Variants in CAPN11 observed in about 807,000 individuals in gnomAD.
CAPN11 encodes calpain-11.
Under a neutral mutation model 105.3 loss-of-function variants are expected in CAPN11, and 108 were observed. The observed-to-expected ratio is 1.03, with a 90% CI of 0.88 to 1.20. The LOEUF is 1.20. CAPN11 is among the 50% of genes most tolerant of loss of function. The probability of loss-of-function intolerance (pLI) is 0.00; values close to 1 mark genes in which losing one functional copy is unlikely to be tolerated. For synonymous variants in CAPN11, 329 were observed against 344.5 expected, an observed-to-expected ratio of 0.96 and a Z score of 0.50; for missense variants, 883 against 924.8, an observed-to-expected ratio of 0.95 and a Z score of 0.59.
chr6:44,177,589 G>A (rs1471848623), intron 12 of CAPN11, 169 bp downstream of exon 12: 3 of 619,632 alleles, frequency 4.8e-6, no homozygotes, highest in Admixed American at 2.9e-5. Context: ...CCCAGTTCAA[G>A]TGATTCTCGT....
chr6:44,162,575 C>A (rs1033782108), intron 1 of CAPN11, among the ~76,000 whole-genome samples: 1 of 152,122 alleles, frequency 6.6e-6, no homozygotes, highest in African/African-American at 2.4e-5. Context: ...TGCTTCCCAG[C>A]CCTGATGCTT....
intron 1 of CAPN11, among the ~76,000 whole-genome samples, chr6:44,166,394 C>G (rs1180273309): frequency 1.3e-5 from 2 of 152,202 alleles, no homozygotes; most frequent in Non-Finnish European, 2.9e-5. Flanking sequence ...CTCTGGGCCT[C>G]TGCTCCCTTT....
Position 44,166,761 on chromosome 6 carries a change from C to T in CAPN11, c.20C>T (p.Pro7Leu), listed in dbSNP as rs371144537. The T allele has an allele frequency of 1.9e-6, 3 of 1,551,516 alleles. No individual in the cohort carries two copies. Among genetic ancestry groups the T allele is most frequent in the Admixed American group, 2.0e-5 (1 of 51,000 alleles). Residue 7 changes from proline (P) to leucine (L), a missense_variant, in exon 2 of 23, where the codon CCG becomes CTG. Pro to Leu is a moderately conservative substitution (Grantham distance 98). Transcript: ENST00000398776. The stretch of plus-strand genomic sequence containing the variant: ...CTCCCACTCTTTCTTATTCTAGGGC[C>T]GAGTCTTCCGGAGTCAGCAGAGAGC... MLYSPG[P>L]SLPESAESLD...
intron 1 of CAPN11, among the ~76,000 whole-genome samples, chr6:44,160,979 G>A (rs1582851911): frequency 6.6e-6 from 1 of 152,220 alleles, no homozygotes; most frequent in African/African-American, 2.4e-5. Context: ...ACAGGGTTTG[G>A]TACCACCCGC....
intron 1 of CAPN11, among the ~76,000 whole-genome samples, chr6:44,162,800 G>C (rs1769140096): frequency 6.6e-6 from 1 of 152,184 alleles, no homozygotes; most frequent in Middle Eastern, 3.4e-3. Flanking sequence ...CTCCATGTTG[G>C]GGGTGCATTC....
intron 4 of CAPN11, among the ~76,000 whole-genome samples, chr6:44,172,099 G>C (rs1771101578): frequency 6.6e-6 from 1 of 152,114 alleles, no homozygotes. Flanking sequence ...CACCTTACTA[G>C]AGTCTCTCCG....
intron 9 of CAPN11, 111 bp downstream of exon 9, chr6:44,176,449 CCTCCCTCTAGATT>C (rs1473766631): frequency 7.8e-7 from 1 of 1,288,778 alleles, no homozygotes; most frequent in African/African-American, 1.5e-5. Context: ...GGGCAAAGCT[CCTCCCTCTAGATT>C]CTCCATCTAG....
At chr6:44,181,342 G>A in intron 19 of CAPN11, 22 bp downstream of exon 19, 1 of 1,605,774 alleles carries the variant, frequency 6.2e-7, no homozygotes, top group Non-Finnish European at 8.5e-7. Flanking sequence ...TAAAGGGGCA[G>A]CCTCCAGGGG....
rs1772079619 is a variant in CAPN11 at position 44,176,653 on chromosome 6, C to T, written c.1074C>T (p.Phe358=). ...QLLHKTEDGE[F]WMSYQDFLNN... ...TGCACAAGACGGAGGACGGGGAGTT[C>T]TGGTCAGTGTGGCTTGGGGTGGGCT... is the stretch of plus-strand genomic sequence containing the variant. Residue 358 remains phenylalanine, a splice_region_variant and synonymous_variant, in exon 10 of 23, where the codon TTC becomes TTT. Coordinates refer to ENST00000398776, the MANE Select transcript of CAPN11 (RefSeq NM_007058.4). 6.3e-7 allele frequency: 1 copy of T among 1,599,776 alleles called. No individual in the cohort carries two copies. Among genetic ancestry groups the T allele is most frequent in the African/African-American group, 1.3e-5 (1 of 74,856 alleles).
intron 4 of CAPN11, among the ~76,000 whole-genome samples, chr6:44,171,096 C>CT (rs985595858): frequency 2.6e-5 from 4 of 152,158 alleles, no homozygotes; most frequent in African/African-American, 9.7e-5. Flanking sequence ...CCGAGGCACT[C>CT]TAACAGTGAG....
intron 14 of CAPN11, 73 bp from the exon 15 acceptor site, chr6:44,180,387 C>A: frequency 1.4e-6 from 2 of 1,418,932 alleles, no homozygotes; most frequent in South Asian, 2.3e-5. Context: ...ATGACATGAC[C>A]CCCAGAGCAC....
At chr6:44,169,220 C>T (rs1175663859) in intron 2 of CAPN11, 61 bp from the exon 3 acceptor site, 1 of 1,499,424 alleles carries the variant, frequency 6.7e-7, no homozygotes, top group African/African-American at 1.4e-5. Context: ...AGGAGTGAAC[C>T]ACTGTGCCCA....
chr6:44,166,793 G>T lies in CAPN11; in HGVS notation c.52G>T (p.Gly18Ter). The T allele has an allele frequency of 6.4e-7, 1 of 1,552,112 alleles. No homozygotes were observed. Among genetic ancestry groups the T allele is most frequent in the Non-Finnish European group, 8.7e-7 (1 of 1,147,000 alleles). Residue 18 changes from glycine to a stop codon, truncating the protein, a stop_gained, in exon 2 of 23, where the codon GGA becomes TGA. Transcript: ENST00000398776. LOFTEE classifies it high-confidence loss of function. ...SLPESAESLD[G>*]SQEDKPRGSC... ...TCCGGAGTCAGCAGAGAGCCTGGAT[G>T]GATCACAGGAGGATAAGCCTCGGGG...
intron 1 of CAPN11, among the ~76,000 whole-genome samples, chr6:44,163,725 A>C (rs1769321925): frequency 1.3e-5 from 2 of 152,230 alleles, no homozygotes; most frequent in Non-Finnish European, 2.9e-5. Context: ...ATGCTATATA[A>C]GTGCTCACTA....
chr6:44,162,436 G>A (rs1173459340), intron 1 of CAPN11, among the ~76,000 whole-genome samples: 1 of 151,742 alleles, frequency 6.6e-6, no homozygotes, highest in Non-Finnish European at 1.5e-5. Context: ...GAGGGGGTGA[G>A]GGAGCTTCCA....
At chr6:44,165,321 T>G (rs981394372) in intron 1 of CAPN11, among the ~76,000 whole-genome samples, 1 of 152,168 alleles carries the variant, frequency 6.6e-6, no homozygotes, top group South Asian at 2.1e-4. Flanking sequence ...ATTTATTGAG[T>G]GAGTTTTGTG....
rs756219948 is a variant in CAPN11, at chr6:44,176,999, G to A, written c.1237+1G>A. The A allele has an allele frequency of 3.1e-6, 5 of 1,609,458 alleles. No individual in the cohort carries two copies. Among genetic ancestry groups the A allele is most frequent in the East Asian group, 2.2e-5 (1 of 44,640 alleles). On this transcript the variant is annotated splice_donor_variant, in intron 11 of 22. Transcript: ENST00000398776. LOFTEE classifies it high-confidence loss of function. ...GCAGGGGGCTGCAGGAACCACCCTG[G>A]TGGGTGAGGGGTGAGAGGGGAGGGG...
At position 44,183,924 on chromosome 6, in the gene CAPN11, TG is replaced by T; in HGVS notation, c.2216del (p.Gly739AspfsTer20). The T allele has an allele frequency of 6.4e-7, 1 of 1,556,292 alleles. No individual in the cohort carries two copies. The highest frequency in any genetic ancestry group is 8.7e-7 in the Non-Finnish European group (1 of 1,149,628). ...SLEQWLQMTM[W>X]G ...TCCACAGTGGCTGCAGATGACCATG[TG>T]GGGATAGAGGCGCTGTAGGAGCCTG... On this transcript the variant is annotated frameshift_variant, in exon 23 of 23. Transcript: ENST00000398776. LOFTEE classifies it high-confidence loss of function.
Position 44,169,415 on chromosome 6 carries a change from A to G in CAPN11, c.223A>G (p.Arg75Gly). The G allele has an allele frequency of 6.2e-7, 1 of 1,613,894 alleles. No homozygotes were observed. The highest frequency in any genetic ancestry group is 8.5e-7 in the Non-Finnish European group (1 of 1,179,864). Reference sequence around the variant, plus strand: ...TGAGGAGCTGCGAGCAGCCTGTCTAAGAAAGGGGGAGCTCTTCGAGGACCC... The same window carrying G: ...TGAGGAGCTGCGAGCAGCCTGTCTAGGAAAGGGGGAGCTCTTCGAGGACCC... The part of the protein sequence containing the change: ...SFEELRAACL[R>G]KGELFEDPLF... Residue 75 changes from arginine to glycine, a missense_variant, in exon 3 of 23, where the codon AGA becomes GGA. Physicochemically the swap from Arg to Gly is moderately radical, Grantham distance 125. Transcript: ENST00000398776.
Sources: allele counts gnomAD v4.1 joint callset (sites outside exome capture counted in the v4.1 genomes callset), GRCh38; gene constraint gnomAD v4.1.1; transcripts MANE v1.5; gene names NCBI Gene and HGNC (gene_info 2026-07-23, HGNC 2026-07-21).